The following LPL variants were observed in gnomAD, a reference collection of about 807,000 sequenced individuals.
LPL encodes phospholipase A1.
In LPL, 43 loss-of-function variants were observed where a neutral mutation model predicts 52.2. That is an observed-to-expected ratio of 0.82 (90% CI 0.64 to 1.06). LPL has a LOEUF of 1.06. LPL is among the 50% of genes least tolerant of loss of function. The pLI, the probability that LPL is intolerant of heterozygous loss-of-function variation, is 0.00. For missense variants in LPL, 639 were observed against 585.3 expected (o/e 1.09, Z -0.95); for synonymous variants, 244 against 215.6 (o/e 1.13, Z -1.15).
chr8:19,941,019 T>A (rs1311984344), intron 1 of LPL, among the ~76,000 whole-genome samples: 1 of 152,166 alleles, frequency 6.6e-6, no homozygotes, highest in South Asian at 2.1e-4. Flanking sequence ...AGCCAGGGAG[T>A]TTCAGTAGAC....
intron 9 of LPL, among the ~76,000 whole-genome samples, chr8:19,964,560 C>T (rs546942218): frequency 1.3e-5 from 2 of 152,190 alleles, no homozygotes; most frequent in East Asian, 1.9e-4. Context: ...GAGACAGTCT[C>T]GTTCTGTTGC....
chr8:19,962,039 C>A, intron 8 of LPL, 76 bp from the exon 9 acceptor site: 2 of 974,190 alleles, frequency 2.1e-6, no homozygotes, highest in Non-Finnish European at 3.3e-6. Flanking sequence ...TTAAACAGTC[C>A]TGACAGAACT....
At chr8:19,959,658 T>A (rs1167465788) in intron 7 of LPL, among the ~76,000 whole-genome samples, 1 of 151,622 alleles carries the variant, frequency 6.6e-6, no homozygotes, top group East Asian at 1.9e-4. Context: ...AATTAAACTA[T>A]CTCAAAAGGT....
At chr8:19,956,444 T>C (rs1387368135) in intron 6 of LPL, among the ~76,000 whole-genome samples, 1 of 151,402 alleles carries the variant, frequency 6.6e-6, no homozygotes, top group Non-Finnish European at 1.5e-5. Flanking sequence ...GCCTACTTCC[T>C]GCTTTTGTAA....
intron 9 of LPL, 152 bp from the exon 10 acceptor site, chr8:19,965,158 T>C: frequency 3.1e-6 from 2 of 648,288 alleles, no homozygotes. Context: ...CTCTGATCCA[T>C]TATACACATC....
At chr8:19,941,996 T>C (rs1472399350) in intron 1 of LPL, among the ~76,000 whole-genome samples, 3 of 152,184 alleles carry the variant, frequency 2.0e-5, no homozygotes, top group Non-Finnish European at 4.4e-5. Context: ...ATCGTGAATT[T>C]CCAGGCTGTC....
chr8:19,952,592 C>G (rs899166814), intron 3 of LPL, among the ~76,000 whole-genome samples: 2 of 152,108 alleles, frequency 1.3e-5, no homozygotes, highest in African/African-American at 4.8e-5. Flanking sequence ...TTATTTTAAC[C>G]AGGTAATTGG....
chr8:19,946,636 C>G (rs745764107), intron 1 of LPL: 30 of 198,402 alleles, frequency 1.5e-4, no homozygotes, highest in Middle Eastern at 5.9e-4. Context: ...CCTCATGAAT[C>G]TCCTGAAATT....
rs762653213 is a variant in LPL at position 19,954,181 on chromosome 8, T to G, written c.603T>G (p.Asp201Glu). 6.2e-7 allele frequency: 1 copy of G among 1,614,204 alleles called. No homozygotes were observed. The highest frequency in any genetic ancestry group is 8.5e-7 in the Non-Finnish European group (1 of 1,180,036). The change falls in exon 5 of 10, where the codon GAT (aspartate) becomes GAG (glutamate). Residue 201 changes from aspartate to glutamate, a missense_variant. Asp to Glu is a conservative substitution (Grantham distance 45). Coordinates refer to ENST00000650287, the MANE Select transcript of LPL (RefSeq NM_000237.3). ...AAGCCCCGAGTCGTCTTTCTCCTGATGATGCAGATTTTGTAGACGTCTTAC... is the reference window on the plus strand; with the variant it reads ...AAGCCCCGAGTCGTCTTTCTCCTGAGGATGCAGATTTTGTAGACGTCTTAC... ...YAEAPSRLSP[D>E]DADFVDVLHT... is the part of the protein sequence containing the mutation.
chr8:19,941,721 G>A (rs149417088), intron 1 of LPL, among the ~76,000 whole-genome samples: 22 of 152,126 alleles, frequency 1.4e-4, no homozygotes, highest in Non-Finnish European at 2.6e-4. Context: ...TCCTCCAGAT[G>A]CATTCATCTA....
At chr8:19,948,108 A>G in intron 1 of LPL, 72 bp from the exon 2 acceptor site, 1 of 1,521,946 alleles carries the variant, frequency 6.6e-7, no homozygotes, top group Non-Finnish European at 9.1e-7. Context: ...CTGTGAACCT[A>G]AAACATATCA....
Position 19,939,460 on chromosome 8 carries a change from T to A in LPL, c.20T>A (p.Leu7His). Reference sequence around the variant, plus strand: ...CCCGAGATGGAGAGCAAAGCCCTGCTCGTGCTGACTCTGGCCGTGTGGCTC... The same window carrying A: ...CCCGAGATGGAGAGCAAAGCCCTGCACGTGCTGACTCTGGCCGTGTGGCTC... MESKAL[L>H]VLTLAVWLQS... The change falls in exon 1 of 10, where the codon CTC becomes CAC. Residue 7 changes from leucine to histidine, a missense_variant. Leu to His is a moderately conservative substitution (Grantham distance 99). Transcript: ENST00000650287. This position sits in a 1 kb window ranked among gnomAD's most constrained non-coding sequence, Gnocchi z 4.0. 1.2e-6 allele frequency: 2 copies of A among 1,610,372 alleles called. No individual in the cohort carries two copies. The highest frequency in any genetic ancestry group is 1.7e-6 in the Non-Finnish European group (2 of 1,178,934).
At chr8:19,959,983 C>T (rs1196992689) in intron 7 of LPL, among the ~76,000 whole-genome samples, 1 of 151,358 alleles carries the variant, frequency 6.6e-6, no homozygotes, top group Non-Finnish European at 1.5e-5. Flanking sequence ...GCGACAGGGT[C>T]TCACCATGTT....
At chr8:19,955,574 A>T (rs533796286) in intron 5 of LPL, among the ~76,000 whole-genome samples, 11 of 152,314 alleles carry the variant, frequency 7.2e-5, no homozygotes, top group Non-Finnish European at 1.3e-4. Flanking sequence ...GAGGCTTATT[A>T]CAGCTTCATA....
At position 19,960,825 on chromosome 8, in the gene LPL, G is replaced by A. The variant is rs879092973; in HGVS notation, c.1140-76G>A. Reference sequence around the variant, plus strand: ...CTAAATAATAAAGCTATTTATATTTGGAGAGGAGAAAAAAAAGTGGGGGGC... The same window carrying A: ...CTAAATAATAAAGCTATTTATATTTAGAGAGGAGAAAAAAAAGTGGGGGGC... On this transcript the variant is annotated intron_variant, in intron 7 of 9. Coordinates refer to ENST00000650287, the MANE Select transcript of LPL (RefSeq NM_000237.3). The A allele has an allele frequency of 1.9e-5, 19 of 1,020,162 alleles. No individual in the cohort carries two copies. In the Middle Eastern group the frequency reaches 1.2e-3, roughly 64 times the overall value. 63.2% of individuals were successfully genotyped at this position (1,020,162 alleles called of 1,614,324 possible). A position where few individuals can be genotyped will look rare whatever the true frequency, so the allele number is the denominator to read the frequency against.
intron 8 of LPL, among the ~76,000 whole-genome samples, chr8:19,961,896 A>C (rs916845261): frequency 6.6e-6 from 1 of 152,138 alleles, no homozygotes; most frequent in Non-Finnish European, 1.5e-5. Flanking sequence ...ATGCCTGTCT[A>C]TCTAAATTAA....
intron 3 of LPL, among the ~76,000 whole-genome samples, chr8:19,952,535 A>G (rs2128837829): frequency 6.6e-6 from 1 of 152,288 alleles, no homozygotes; most frequent in South Asian, 2.1e-4. Flanking sequence ...GTACCTCTGA[A>G]AAGTATCTTG....
In LPL at chr8:19,965,484, C is replaced by T. The variant is rs2070077675; in HGVS notation, c.*174C>T. ...TTATTTTAGGAGACAGTCTCAAGCA[C>T]TAAAAAGTGGCTAATTCAATTTATG... On this transcript the variant is annotated 3_prime_UTR_variant, in exon 10 of 10. Transcript: ENST00000650287. 1 of 581,828 alleles carries T rather than the reference C, an allele frequency of 1.7e-6. No individual in the cohort carries two copies. Among genetic ancestry groups the T allele is most frequent in the Non-Finnish European group, 3.1e-6 (1 of 325,128 alleles). 36.0% of individuals were successfully genotyped at this position (581,828 alleles called of 1,614,324 possible).
chr8:19,951,713 T>G, intron 2 of LPL, 56 bp from the exon 3 acceptor site: 1 of 1,588,500 alleles, frequency 6.3e-7, no homozygotes, highest in Non-Finnish European at 8.6e-7. Context: ...TGGGCTGATG[T>G]ATCTATGACA....
Sources: gnomAD v4.1 joint callset for allele counts (sites outside exome capture counted in the v4.1 genomes callset) on GRCh38, gnomAD v4.1.1 for gene constraint, Gnocchi (gnomAD v3.1) non-coding constraint, MANE v1.5 for transcripts, NCBI Gene and HGNC (gene_info 2026-07-23, HGNC 2026-07-21) for gene names.